MCC: variants seen among roughly 807,000 people sequenced by gnomAD.
MCC encodes colorectal mutant cancer protein.
A neutral mutation model predicts 116.2 loss-of-function variants in MCC; 90 were observed. The observed-to-expected ratio is 0.77, with a 90% CI of 0.65 to 0.92. MCC has a LOEUF of 0.92. MCC is among the 40% of genes least tolerant of loss of function. The pLI, the probability that MCC is intolerant of heterozygous loss-of-function variation, is 0.00. For synonymous variants in MCC, 578 were observed against 510.5 expected (o/e 1.13, Z -1.78); for missense variants, 1,516 against 1,312.2 (o/e 1.16, Z -2.40).
At chr5:113,470,408 C>T (rs1236145111) in intron 1 of MCC, among the ~76,000 whole-genome samples, 1 of 150,782 alleles carries the variant, frequency 6.6e-6, no homozygotes, top group Non-Finnish European at 1.5e-5. Context: ...ATTTGCTTGT[C>T]TGTAAAGTAT....
chr5:113,307,264 G>T (rs1027465950), intron 3 of MCC, among the ~76,000 whole-genome samples: 1 of 152,092 alleles, frequency 6.6e-6, no homozygotes, highest in Non-Finnish European at 1.5e-5. Context: ...ATAATATTAG[G>T]TCTTCCAATC....
At chr5:113,044,547 T>C in intron 16 of MCC, 13 of 861,900 alleles carry the variant, frequency 1.5e-5, no homozygotes, top group Non-Finnish European at 1.8e-5. Context: ...TTGTGATCTG[T>C]TGCAGGAGAT....
chr5:113,328,104 T>C (rs562243778), intron 3 of MCC, among the ~76,000 whole-genome samples: 1 of 152,260 alleles, frequency 6.6e-6, no homozygotes, highest in African/African-American at 2.4e-5. Context: ...GCCAGTCTTA[T>C]AAATACGACT....
At position 113,023,761 on chromosome 5, in the gene MCC, T is replaced by C. The variant is rs755916824; in HGVS notation, c.*3541A>G. The C allele has an allele frequency of 4.6e-5, 7 of 152,242 alleles. No individual in the cohort carries two copies. The highest frequency in any genetic ancestry group is 8.8e-5 in the Non-Finnish European group (6 of 68,038). 9.4% of individuals were successfully genotyped at this position (152,242 alleles called of 1,614,324 possible). A position where few individuals can be genotyped will look rare whatever the true frequency, so the allele number is the denominator to read the frequency against. The stretch of plus-strand genomic sequence containing the variant: ...TTATTTTTTAATAGTCATCTTGATA[T>C]GTTATCACTTTAAAGCTTGATAATC... On this transcript the variant is annotated 3_prime_UTR_variant, in exon 19 of 19. Transcript: ENST00000408903.
chr5:113,299,196 G>A (rs1184040527), intron 3 of MCC, among the ~76,000 whole-genome samples: 2 of 151,582 alleles, frequency 1.3e-5, no homozygotes. Context: ...GCTGAGGCAG[G>A]AGAATCGCTT....
chr5:113,294,689 G>A, intron 3 of MCC: 1 of 1,035,696 alleles, frequency 9.7e-7, no homozygotes, highest in South Asian at 4.6e-5. Context: ...GCCCCGTTCC[G>A]GGGCAGTGCC....
At chr5:113,240,757 T>C (rs927932795) in intron 3 of MCC, among the ~76,000 whole-genome samples, 1 of 152,196 alleles carries the variant, frequency 6.6e-6, no homozygotes, top group Non-Finnish European at 1.5e-5. Context: ...CCAGTTGCTG[T>C]TGAGGAGCAG....
At chr5:113,056,784 A>G (rs1432816628) in intron 14 of MCC, among the ~76,000 whole-genome samples, 1 of 152,250 alleles carries the variant, frequency 6.6e-6, no homozygotes, top group African/African-American at 2.4e-5. Context: ...TAAGCACTCA[A>G]TAAATGCAGA....
chr5:113,172,219 G>T (rs1761107714), intron 3 of MCC, among the ~76,000 whole-genome samples: 1 of 152,168 alleles, frequency 6.6e-6, no homozygotes, highest in African/African-American at 2.4e-5. Flanking sequence ...CTTAAGACAG[G>T]ATTCAGAGGT....
At chr5:113,425,040 A>T (rs1006184466) in intron 1 of MCC, among the ~76,000 whole-genome samples, 9 of 152,200 alleles carry the variant, frequency 5.9e-5, no homozygotes, top group Admixed American at 2.6e-4. Flanking sequence ...GAACTTAAGA[A>T]TATCAGTTTC....
At chr5:113,378,427 TATAG>T (rs1769035725) in intron 2 of MCC, among the ~76,000 whole-genome samples, 1 of 152,172 alleles carries the variant, frequency 6.6e-6, no homozygotes, top group Non-Finnish European at 1.5e-5. Context: ...TCTTTGGAGA[TATAG>T]GTTATTGGAA....
intron 3 of MCC, among the ~76,000 whole-genome samples, chr5:113,266,636 C>T (rs919109864): frequency 6.6e-6 from 1 of 152,174 alleles, no homozygotes; most frequent in Non-Finnish European, 1.5e-5. Context: ...CCAGCCTCAG[C>T]CTCAGAGTAA....
chr5:113,269,655 T>C (rs1368287721), intron 3 of MCC, among the ~76,000 whole-genome samples: 1 of 152,206 alleles, frequency 6.6e-6, no homozygotes, highest in Non-Finnish European at 1.5e-5. Context: ...TTAATGAGTT[T>C]AGCACTGCCA....
At chr5:113,485,905 C>G (rs1772511438) in intron 1 of MCC, among the ~76,000 whole-genome samples, 1 of 152,200 alleles carries the variant, frequency 6.6e-6, no homozygotes, top group Non-Finnish European at 1.5e-5. Flanking sequence ...AAGTCCAACT[C>G]TCATGTCTGA....
chr5:113,262,869 C>G (rs1364539912), intron 3 of MCC, among the ~76,000 whole-genome samples: 1 of 151,966 alleles, frequency 6.6e-6, no homozygotes, highest in African/African-American at 2.4e-5. Flanking sequence ...GGTTCACGGA[C>G]CACTGAGAAC....
chr5:113,481,510 G>A (rs559498347), intron 1 of MCC, among the ~76,000 whole-genome samples: 4 of 152,056 alleles, frequency 2.6e-5, no homozygotes, highest in South Asian at 4.2e-4. Flanking sequence ...AGGCTGAGGC[G>A]GGTGGATCAC....
At chr5:113,464,586 T>C (rs1425798902) in intron 1 of MCC, among the ~76,000 whole-genome samples, 2 of 142,830 alleles carry the variant, frequency 1.4e-5, no homozygotes, top group Admixed American at 1.5e-4. Flanking sequence ...TTGGTATTTC[T>C]TACTCTCTAA....
At chr5:113,282,306 A>G (rs1179666831) in intron 3 of MCC, among the ~76,000 whole-genome samples, 1 of 152,210 alleles carries the variant, frequency 6.6e-6, no homozygotes, top group Non-Finnish European at 1.5e-5. Flanking sequence ...TGCCAAATAA[A>G]GAAGACGCTC....
At chr5:113,090,722 C>G (rs1402093634) in intron 8 of MCC, among the ~76,000 whole-genome samples, 1 of 152,196 alleles carries the variant, frequency 6.6e-6, no homozygotes, top group Non-Finnish European at 1.5e-5. Context: ...CAGAGGCTTT[C>G]AGAGGTTAAC....
Sources: gnomAD v4.1 joint callset for allele counts (sites outside exome capture counted in the v4.1 genomes callset) on GRCh38, gnomAD v4.1.1 for gene constraint, MANE v1.5 for transcripts, NCBI Gene and HGNC (gene_info 2026-07-23, HGNC 2026-07-21) for gene names.